The following PRKG1 variants were observed in gnomAD, a reference collection of about 807,000 sequenced individuals.
PRKG1 encodes protein kinase cGMP-dependent 1, also known as cGMP-dependent protein kinase 1.
A neutral mutation model predicts 88.1 loss-of-function variants in PRKG1; 35 were observed. That is an observed-to-expected ratio of 0.40 (90% CI 0.30 to 0.53). The LOEUF (loss-of-function observed/expected upper bound fraction) is 0.53. Among genes scored for constraint, PRKG1 ranks in the 20% least tolerant of loss-of-function variants. The pLI is 0.59. For synonymous variants in PRKG1, 303 were observed against 292.5 expected (o/e 1.04, Z -0.37); for missense variants, 540 against 839.8 (o/e 0.64, Z 4.41).
chr10:52,072,158 C>CTTTTTTTTTTTTTTTTTTTTTTTTTTTCT (rs60576406), intron 7 of PRKG1, among the ~76,000 whole-genome samples: 1 of 39,558 alleles, frequency 2.5e-5, no homozygotes, highest in Non-Finnish European at 4.1e-5. Context: ...TATTGTTTTG[C>CTTTTTTTTTTTTTTTTTTTTTTTTTTTCT]TTTTTTTTTT....
chr10:51,534,995 A>G (rs1034276180), intron 3 of PRKG1, among the ~76,000 whole-genome samples: 1 of 152,222 alleles, frequency 6.6e-6, no homozygotes, highest in African/African-American at 2.4e-5. Context: ...AATATTTTAA[A>G]AAATAATTGA....
At chr10:52,187,160 A>G (rs933012263) in intron 9 of PRKG1, among the ~76,000 whole-genome samples, 15 of 152,186 alleles carry the variant, frequency 9.9e-5, no homozygotes, top group African/African-American at 3.1e-4. Context: ...CTGGCTTATC[A>G]GGATGCTAAA....
intron 1 of PRKG1, among the ~76,000 whole-genome samples, chr10:51,136,896 T>A (rs1382599820): frequency 6.6e-6 from 1 of 152,152 alleles, no homozygotes; most frequent in East Asian, 1.9e-4. Flanking sequence ...ATTTTAGTAA[T>A]TATTAATTAA....
intron 12 of PRKG1, among the ~76,000 whole-genome samples, chr10:52,277,178 G>C (rs1841892017): frequency 1.3e-5 from 2 of 152,124 alleles, no homozygotes; most frequent in South Asian, 4.1e-4. Flanking sequence ...GAAAAAGGGA[G>C]AGCTTTGATT....
At chr10:51,452,132 T>G (rs1379181850) in intron 2 of PRKG1, among the ~76,000 whole-genome samples, 1 of 151,944 alleles carries the variant, frequency 6.6e-6, no homozygotes, top group Non-Finnish European at 1.5e-5. Flanking sequence ...AACAAACTTG[T>G]GCATTCATCA....
chr10:51,659,260 T>C (rs940829946), intron 3 of PRKG1, among the ~76,000 whole-genome samples: 1 of 152,058 alleles, frequency 6.6e-6, no homozygotes, highest in African/African-American at 2.4e-5. Flanking sequence ...CAATGTTCCC[T>C]AAAACAAATA....
chr10:52,285,279 T>C (rs952439191), intron 14 of PRKG1, among the ~76,000 whole-genome samples: 5 of 152,134 alleles, frequency 3.3e-5, no homozygotes, highest in Non-Finnish European at 7.4e-5. Flanking sequence ...CCTCTAGTGA[T>C]TGGCATTTAT....
In PRKG1 at chr10:51,974,954, C is replaced by G. The variant is rs572468188; in HGVS notation, c.762+67384C>G. ...TGCCCAACTACGTAGAAAATGTCTT[C>G]AAAGCTAGACAAAGATTCTCAATCT... On this transcript the variant is annotated intron_variant, in intron 5 of 17. Coordinates refer to ENST00000373980, the MANE Select transcript of PRKG1 (RefSeq NM_006258.4). Among the ~76,000 whole-genome samples the G allele has an allele frequency of 5.3e-5, 8 of 152,072 alleles. No individual in the cohort carries two copies. In the South Asian group the frequency reaches 1.7e-3, roughly 32 times the overall value.
At chr10:51,701,666 C>T (rs1260975954) in intron 3 of PRKG1, among the ~76,000 whole-genome samples, 1 of 149,864 alleles carries the variant, frequency 6.7e-6, no homozygotes, top group Non-Finnish European at 1.5e-5. Context: ...AGAAGGCATA[C>T]CTTTTTTATA....
At chr10:51,465,593 C>A (rs1839884500) in intron 2 of PRKG1, among the ~76,000 whole-genome samples, 1 of 152,088 alleles carries the variant, frequency 6.6e-6, no homozygotes, top group South Asian at 2.1e-4. Flanking sequence ...GAGAAAAGTA[C>A]AAAGCCATTG....
At chr10:52,029,157 A>G (rs1363168909) in intron 5 of PRKG1, among the ~76,000 whole-genome samples, 3 of 152,190 alleles carry the variant, frequency 2.0e-5, no homozygotes, top group East Asian at 3.8e-4. Context: ...GCTCTTTGCT[A>G]TTCCTCGGTG....
intron 2 of PRKG1, among the ~76,000 whole-genome samples, chr10:51,412,180 T>TGAGAGAGAGAGAGAGAGAGAGAGAGA (rs746950388): frequency 8.0e-6 from 1 of 125,276 alleles, no homozygotes; most frequent in African/African-American, 3.0e-5. Context: ...GGAGAGAGAG[T>TGAGAGAGAGAGAGAGAGAGAGAGAGA]GAGAGAGAGA....
intron 3 of PRKG1, among the ~76,000 whole-genome samples, chr10:51,623,558 C>T (rs2132266104): frequency 6.6e-6 from 1 of 152,126 alleles, no homozygotes; most frequent in Non-Finnish European, 1.5e-5. Flanking sequence ...AAAATGGCAA[C>T]TTAGCTTGGT....
In PRKG1 at chr10:50,991,308, C is replaced by CCAG. The variant is rs1842778331; in HGVS notation, c.-69_-67dup. 2.7e-6 allele frequency: 3 copies of CCAG among 1,109,772 alleles called. No individual in the cohort carries two copies. 68.7% of individuals were successfully genotyped at this position (1,109,772 alleles called of 1,614,324 possible). A position where few individuals can be genotyped will look rare whatever the true frequency, so the allele number is the denominator to read the frequency against. On this transcript the variant is annotated 5_prime_UTR_variant, in exon 1 of 18. Coordinates refer to the PRKG1 transcript ENST00000401604. This position sits in a 1 kb window ranked among gnomAD's most constrained non-coding sequence, Gnocchi z 4.5. ...GCGCTCTCCGCTGCCGGCTGCCGTC[C>CCAG]CAGCCGCCGCCGCCGCCGCCGCCGC...
At chr10:51,123,142 T>C (rs1845305663) in intron 1 of PRKG1, among the ~76,000 whole-genome samples, 1 of 152,174 alleles carries the variant, frequency 6.6e-6, no homozygotes, top group South Asian at 2.1e-4. Context: ...TACACCAAAC[T>C]TGTTCACTTA....
At chr10:51,629,053 A>T (rs918523278) in intron 3 of PRKG1, among the ~76,000 whole-genome samples, 5 of 152,356 alleles carry the variant, frequency 3.3e-5, no homozygotes, top group African/African-American at 9.6e-5. Context: ...AACAACTAGC[A>T]CTTTGTTTTT....
intron 2 of PRKG1, chr10:51,245,843 G>A (rs1839275631): frequency 6.6e-6 from 1 of 152,076 alleles, no homozygotes; most frequent in Non-Finnish European, 1.5e-5. Context: ...CATAATATGG[G>A]TGGAACTGGA....
intron 5 of PRKG1, among the ~76,000 whole-genome samples, chr10:51,979,716 T>C (rs1843956367): frequency 6.6e-6 from 1 of 150,930 alleles, no homozygotes; most frequent in Non-Finnish European, 1.5e-5. Context: ...CCTGACTCAG[T>C]CTTGGGAGGA....
At chr10:51,928,691 G>A (rs1842627641) in intron 5 of PRKG1, among the ~76,000 whole-genome samples, 1 of 152,126 alleles carries the variant, frequency 6.6e-6, no homozygotes, top group South Asian at 2.1e-4. Context: ...CTCAAATGTG[G>A]CTCCCACACT....
Sources: gnomAD v4.1 joint callset for allele counts (sites outside exome capture counted in the v4.1 genomes callset) on GRCh38, gnomAD v4.1.1 for gene constraint, Gnocchi (gnomAD v3.1) non-coding constraint, MANE v1.5 for transcripts, NCBI Gene and HGNC (gene_info 2026-07-23, HGNC 2026-07-21) for gene names.